The following ARHGAP1 variants were observed in gnomAD, a reference collection of about 807,000 sequenced individuals.
ARHGAP1 encodes the protein Rho GTPase activating protein 1.
In ARHGAP1, 23 loss-of-function variants were observed where a neutral mutation model predicts 52.2. That is an observed-to-expected ratio of 0.44 (90% CI 0.32 to 0.62). The LOEUF (loss-of-function observed/expected upper bound fraction) is 0.62. Among genes scored for constraint, ARHGAP1 ranks in the 20% least tolerant of loss-of-function variants. The probability of loss-of-function intolerance (pLI) is 0.05; values close to 1 mark genes in which losing one functional copy is unlikely to be tolerated. For synonymous variants in ARHGAP1, 210 were observed against 228.4 expected (o/e 0.92, Z 0.73); for missense variants, 480 against 560.9 (o/e 0.86, Z 1.46).
chr11:46,680,147 A>C lies in ARHGAP1; in HGVS notation c.898+58T>G. Reference sequence around the variant, plus strand: ...TCTCATTTACAGGGCAGCAGAGGGCAGAGAAGCCCCCTACCAGTAACACAC... The same window carrying C: ...TCTCATTTACAGGGCAGCAGAGGGCCGAGAAGCCCCCTACCAGTAACACAC... On this transcript the variant is annotated intron_variant, in intron 10 of 12. Transcript: ENST00000311956. The surrounding 1 kb of genome is among the most constrained non-coding windows in gnomAD (Gnocchi z 5.9). 6.5e-7 allele frequency: 1 copy of C among 1,550,090 alleles called. No individual in the cohort carries two copies. The highest frequency in any genetic ancestry group is 8.9e-7 in the Non-Finnish European group (1 of 1,122,546).
At chr11:46,683,230 G>A (rs185910647) in intron 4 of ARHGAP1, among the ~76,000 whole-genome samples, 2 of 152,072 alleles carry the variant, frequency 1.3e-5, no homozygotes, top group East Asian at 3.9e-4. Context: ...ATTTTGTAGA[G>A]ACAGGTCTCA....
At chr11:46,682,293 C>A (rs1302588288) in intron 4 of ARHGAP1, 111 bp from the exon 5 acceptor site, 1 of 1,426,612 alleles carries the variant, frequency 7.0e-7, no homozygotes, top group Non-Finnish European at 9.6e-7. Context: ...TCCCCACAGG[C>A]CCTCCCCTAG....
chr11:46,697,641 A>G (rs1247368175), intron 1 of ARHGAP1: 1 of 152,272 alleles, frequency 6.6e-6, no homozygotes, highest in Non-Finnish European at 1.5e-5. Context: ...TTGAGTGGTA[A>G]CGCTGTTTCA....
intron 1 of ARHGAP1, among the ~76,000 whole-genome samples, chr11:46,699,910 G>A (rs2064688127): frequency 6.6e-6 from 1 of 151,756 alleles, no homozygotes; most frequent in Admixed American, 6.6e-5. Context: ...AGTGGCTCAC[G>A]TCTATAATCC....
At position 46,677,159 on chromosome 11, in the gene ARHGAP1, G is replaced by A. The variant is rs2064483164; in HGVS notation, c.*1878C>T. 1 of 152,650 alleles carries A rather than the reference G, an allele frequency of 6.6e-6. No individual in the cohort carries two copies. The highest frequency in any genetic ancestry group is 1.5e-5 in the Non-Finnish European group (1 of 68,050). The allele number at this position is 152,650 out of a possible 1,614,324, so 9.5% of individuals were successfully genotyped here. A position where few individuals can be genotyped will look rare whatever the true frequency, so the allele number is the denominator to read the frequency against. ...ATTGGTGCCAAGGAAGTCATTAAGT[G>A]TGAATGTGAACACTGGATTCACACA... On this transcript the variant is annotated 3_prime_UTR_variant, in exon 13 of 13. Coordinates refer to ENST00000311956, the MANE Select transcript of ARHGAP1 (RefSeq NM_004308.5).
Position 46,679,806 on chromosome 11 carries a change from G to T in ARHGAP1, c.899-30C>A. The T allele has an allele frequency of 6.2e-7, 1 of 1,611,638 alleles. No individual in the cohort carries two copies. Among genetic ancestry groups the T allele is most frequent in the South Asian group, 1.1e-5 (1 of 91,012 alleles). ...GGTGGGGGCAGCGTGAGAGAAGCTC[G>T]GCACAGCCTGAAGGGCAGCACCCAT... On this transcript the variant is annotated intron_variant, in intron 10 of 12. Transcript: ENST00000311956. This position sits in a 1 kb window ranked among gnomAD's most constrained non-coding sequence, Gnocchi z 4.4.
chr11:46,680,465 A>T lies in ARHGAP1; in HGVS notation c.820+22T>A. 5 of 1,612,718 alleles carry T rather than the reference A, an allele frequency of 3.1e-6. No individual in the cohort carries two copies. Among genetic ancestry groups the T allele is most frequent in the Non-Finnish European group, 4.2e-6 (5 of 1,179,184 alleles). ...AGGGAGCCGGGAGACCTGGCTGGTG[A>T]GGAGGCAGGCCCGGCACTCACCGTG... On this transcript the variant is annotated intron_variant, in intron 9 of 12. Transcript: ENST00000311956. This position sits in a 1 kb window ranked among gnomAD's most constrained non-coding sequence, Gnocchi z 5.9.
At position 46,696,297 on chromosome 11, in the gene ARHGAP1, A is replaced by G. The variant is rs1441372216; in HGVS notation, c.-49-141T>C. On this transcript the variant is annotated intron_variant, in intron 1 of 12. Coordinates refer to ENST00000311956, the MANE Select transcript of ARHGAP1 (RefSeq NM_004308.5). The surrounding 1 kb of genome is among the most constrained non-coding windows in gnomAD (Gnocchi z 4.8). ...TCCTCAACACTCCTCATCCCCGCCA[A>G]GAGCTCCACGTAGCTCTGGGTTCTC... The G allele has an allele frequency of 3.3e-6, 2 of 614,242 alleles. No individual in the cohort carries two copies. Among genetic ancestry groups the G allele is most frequent in the East Asian group, 2.9e-5 (1 of 34,668 alleles). 38.0% of individuals were successfully genotyped at this position (614,242 alleles called of 1,614,324 possible).
chr11:46,691,148 G>A (rs2064611618), intron 3 of ARHGAP1, among the ~76,000 whole-genome samples: 2 of 152,100 alleles, frequency 1.3e-5, no homozygotes, highest in Admixed American at 6.6e-5. Flanking sequence ...GATTACAGTT[G>A]CGTACCATGG....
rs1220503853 is a variant in ARHGAP1, at chr11:46,678,879, C to T, written c.*158G>A. On this transcript the variant is annotated 3_prime_UTR_variant, in exon 13 of 13. Coordinates refer to ENST00000311956, the MANE Select transcript of ARHGAP1 (RefSeq NM_004308.5). ...AAACGTCTTCTGGTAACAGCGAGGC[C>T]GCCAGGGCCGTGAGGCGGGCTGGAC... 11 of 823,002 alleles carry T rather than the reference C, an allele frequency of 1.3e-5. No homozygotes were observed. Among genetic ancestry groups the T allele is most frequent in the South Asian group, 1.8e-5 (1 of 55,268 alleles). 51.0% of individuals were successfully genotyped at this position (823,002 alleles called of 1,614,324 possible).
At chr11:46,694,155 C>T (rs1385128535) in intron 3 of ARHGAP1, among the ~76,000 whole-genome samples, 1 of 152,200 alleles carries the variant, frequency 6.6e-6, no homozygotes, top group Non-Finnish European at 1.5e-5. Flanking sequence ...GGTCCCTGAG[C>T]CACCACTCAG....
intron 3 of ARHGAP1, among the ~76,000 whole-genome samples, chr11:46,691,903 G>C (rs751582494): frequency 1.6e-4 from 24 of 152,188 alleles, no homozygotes; most frequent in Non-Finnish European, 2.6e-4. Context: ...GTTTGTTCTT[G>C]ATTATGCTTT....
In ARHGAP1 at chr11:46,696,100, G is replaced by A. The variant is rs747032432; in HGVS notation, c.8C>T (p.Pro3Leu). Reference protein sequence around the residue: MDPLSELQDDLTL... With the variant: MDLLSELQDDLTL... Reference sequence around the variant, plus strand: ...CAGATCATCCTGCAGCTCTGAGAGCGGATCCATGGCCAAGCCTGTCCCAGA... The same window carrying A: ...CAGATCATCCTGCAGCTCTGAGAGCAGATCCATGGCCAAGCCTGTCCCAGA... Residue 3 changes from proline (P) to leucine (L), a missense_variant, in exon 2 of 13, where the codon CCG becomes CTG. Pro to Leu is a moderately conservative substitution (Grantham distance 98). Coordinates refer to ENST00000311956, the MANE Select transcript of ARHGAP1 (RefSeq NM_004308.5). The surrounding 1 kb of genome is among the most constrained non-coding windows in gnomAD (Gnocchi z 4.8). The A allele has an allele frequency of 6.3e-5, 100 of 1,598,302 alleles. No individual in the cohort carries two copies. The highest frequency in any genetic ancestry group is 5.8e-4 in the Admixed American group (33 of 56,834).
At chr11:46,695,518 T>C in intron 3 of ARHGAP1, 142 bp downstream of exon 3, 1 of 880,154 alleles carries the variant, frequency 1.1e-6, no homozygotes, top group Non-Finnish European at 1.9e-6. Context: ...TCAAAGCCAC[T>C]AGGCCACATG....
In ARHGAP1 at chr11:46,682,011, C is replaced by T. The variant is rs1385469363; in HGVS notation, c.449+40G>A. 4 of 1,610,750 alleles carry T rather than the reference C, an allele frequency of 2.5e-6. No homozygotes were observed. The African/African-American group carries it at 4.0e-5, about 16-fold the overall frequency. ...AGCCCGGAAGCTGGCAGAGCCGCTG[C>T]CTCTGGATCTGACTGTGCAGGCCCC... On this transcript the variant is annotated intron_variant, in intron 5 of 12. Transcript: ENST00000311956.
At position 46,680,925 on chromosome 11, in the gene ARHGAP1, G is replaced by A; in HGVS notation, c.635+86C>T. 2.3e-6 allele frequency: 3 copies of A among 1,318,460 alleles called. No homozygotes were observed. In the South Asian group the frequency reaches 3.6e-5, roughly 16 times the overall value. 81.7% of individuals were successfully genotyped at this position (1,318,460 alleles called of 1,614,324 possible). A position where few individuals can be genotyped will look rare whatever the true frequency, so the allele number is the denominator to read the frequency against. On this transcript the variant is annotated intron_variant, in intron 7 of 12. Transcript: ENST00000311956. This position sits in a 1 kb window ranked among gnomAD's most constrained non-coding sequence, Gnocchi z 5.9. Reference sequence around the variant, plus strand: ...AGAGGTCGGGACACGGGCTTGCTCTGCCTAAGCCCCACGCGGTCTCTGAAT... The same window carrying A: ...AGAGGTCGGGACACGGGCTTGCTCTACCTAAGCCCCACGCGGTCTCTGAAT...
rs780744961 is a variant in ARHGAP1 at position 46,680,251 on chromosome 11, C to T, written c.852G>A (p.Ser284=). ...ALTTEGIFRR[S]ANTQVVREVQ... ...CTTCCCGGACCACTTGGGTGTTGGC[C>T]GACCTCCGGAAGATGCCCTCGGTGG... Residue 284 remains serine, a synonymous_variant, in exon 10 of 13, where the codon TCG becomes TCA. Transcript: ENST00000311956. This position sits in a 1 kb window ranked among gnomAD's most constrained non-coding sequence, Gnocchi z 5.9. 17 of 1,614,148 alleles carry T rather than the reference C, an allele frequency of 1.1e-5. No individual in the cohort carries two copies. Among genetic ancestry groups the T allele is most frequent in the Middle Eastern group, 1.6e-4 (1 of 6,062 alleles).
intron 4 of ARHGAP1, among the ~76,000 whole-genome samples, chr11:46,682,642 G>T (rs1258251765): frequency 2.0e-5 from 3 of 152,100 alleles, no homozygotes; most frequent in African/African-American, 7.2e-5. Flanking sequence ...AGAGATTGTG[G>T]CACTGTACTC....
At chr11:46,695,033 C>A (rs566434529) in intron 3 of ARHGAP1, 26 of 176,180 alleles carry the variant, frequency 1.5e-4, no homozygotes, top group Admixed American at 5.9e-4. Context: ...TAAAGTGGGG[C>A]CCTAAGGGCA....
Sources: allele counts gnomAD v4.1 joint callset (sites outside exome capture counted in the v4.1 genomes callset), GRCh38; gene constraint gnomAD v4.1.1; non-coding constraint Gnocchi (gnomAD v3.1); transcripts MANE v1.5; gene names NCBI Gene and HGNC (gene_info 2026-07-23, HGNC 2026-07-21).